SPECC1: variants seen among roughly 807,000 people sequenced by gnomAD.
The protein encoded by SPECC1 is cytospin-B.
A neutral mutation model predicts 104.1 loss-of-function variants in SPECC1; 62 were observed. That is an observed-to-expected ratio of 0.60 (90% CI 0.49 to 0.74). The LOEUF is 0.74. SPECC1 is among the 30% of genes least tolerant of loss of function. SPECC1 has a pLI of 0.00. For synonymous variants in SPECC1, 513 were observed against 501.6 expected, an observed-to-expected ratio of 1.02 and a Z score of -0.30; for missense variants, 1,306 against 1,310.5, an observed-to-expected ratio of 1.00 and a Z score of 0.05.
At chr17:20,188,556 C>T (rs112618523) in intron 3 of SPECC1, among the ~76,000 whole-genome samples, 3 of 152,224 alleles carry the variant, frequency 2.0e-5, no homozygotes, top group Non-Finnish European at 2.9e-5. Flanking sequence ...AGATTACAGG[C>T]GTGAGCCACC....
intron 7 of SPECC1, among the ~76,000 whole-genome samples, chr17:20,236,026 G>A (rs888731778): frequency 2.0e-5 from 3 of 152,180 alleles, no homozygotes; most frequent in East Asian, 1.9e-4. Flanking sequence ...GGTCACAGCC[G>A]CTCAGCATGT....
At chr17:20,303,163 CT>C (rs148276092) in intron 13 of SPECC1, among the ~76,000 whole-genome samples, 6,285 of 152,230 alleles carry the variant, frequency 0.041, 156 homozygotes, top group Middle Eastern at 0.065. Flanking sequence ...AAATATTTGA[CT>C]TCTGGAATAA....
intron 3 of SPECC1, among the ~76,000 whole-genome samples, chr17:20,172,248 G>T (rs1230241276): frequency 6.6e-6 from 1 of 152,176 alleles, no homozygotes; most frequent in Non-Finnish European, 1.5e-5. Flanking sequence ...CTCTGTGCCT[G>T]GATGCTCCTC....
intron 3 of SPECC1, among the ~76,000 whole-genome samples, chr17:20,132,592 T>C (rs2049705106): frequency 6.6e-6 from 1 of 151,424 alleles, no homozygotes; most frequent in South Asian, 2.1e-4. Context: ...TTTAAAAAAA[T>C]TTCAAATTCA....
At chr17:20,108,363 C>T (rs1209218556) in intron 2 of SPECC1, among the ~76,000 whole-genome samples, 1 of 152,042 alleles carries the variant, frequency 6.6e-6, no homozygotes, top group Admixed American at 6.5e-5. Context: ...CAATAAAATC[C>T]ATAAAGTACA....
At chr17:20,019,215 T>C (rs1000348704) in intron 1 of SPECC1, among the ~76,000 whole-genome samples, 17 of 18,554 alleles carry the variant, frequency 9.2e-4, no homozygotes, top group Admixed American at 6.0e-3. Context: ...ATCATTCATT[T>C]ATTTATTTAT....
At chr17:20,209,269 A>G (rs1655566859) in intron 4 of SPECC1, among the ~76,000 whole-genome samples, 1 of 152,190 alleles carries the variant, frequency 6.6e-6, no homozygotes, top group South Asian at 2.1e-4. Context: ...CCCCATGAGC[A>G]GTGCATTCAT....
At chr17:20,121,256 T>TC (rs1191042807) in intron 3 of SPECC1, among the ~76,000 whole-genome samples, 1 of 152,206 alleles carries the variant, frequency 6.6e-6, no homozygotes, top group Admixed American at 6.5e-5. Context: ...ACTTTTTCTC[T>TC]CCCGTGCCCA....
At chr17:20,120,034 T>G (rs1481243660) in intron 3 of SPECC1, among the ~76,000 whole-genome samples, 1 of 152,144 alleles carries the variant, frequency 6.6e-6, no homozygotes, top group Non-Finnish European at 1.5e-5. Context: ...CCAGAACACT[T>G]ATGGTCCTGA....
intron 1 of SPECC1, among the ~76,000 whole-genome samples, chr17:20,077,843 A>C (rs182548092): frequency 3.2e-4 from 48 of 152,226 alleles, no homozygotes; most frequent in Non-Finnish European, 5.6e-4. Flanking sequence ...GGTTAAGCCC[A>C]TAGGCACTGG....
chr17:20,067,623 A>C (rs1013165792), intron 1 of SPECC1, among the ~76,000 whole-genome samples: 4 of 152,074 alleles, frequency 2.6e-5, no homozygotes, highest in Middle Eastern at 3.2e-3. Flanking sequence ...ATAAATTCAC[A>C]TATATTTACA....
chr17:20,186,842 T>C (rs1354999979), intron 3 of SPECC1, among the ~76,000 whole-genome samples: 1 of 152,148 alleles, frequency 6.6e-6, no homozygotes, highest in Non-Finnish European at 1.5e-5. Context: ...GCTGGGATTA[T>C]AGATCATAGG....
chr17:20,204,463 C>A lies in SPECC1; in HGVS notation c.414C>A (p.Ser138=). ...PRKSVSSPTS[S]NTPTPTKHLR... ...AATCAGTGTCCAGTCCAACTTCTTCCAACACTCCCACTCCTACGAAACACC... is the reference window on the plus strand; with the variant it reads ...AATCAGTGTCCAGTCCAACTTCTTCAAACACTCCCACTCCTACGAAACACC... The change falls in exon 4 of 15, where the codon TCC becomes TCA. Residue 138 remains serine (S), a synonymous_variant. Coordinates refer to ENST00000395527, the MANE Select transcript of SPECC1 (RefSeq NM_001243439.2). 6.2e-7 allele frequency: 1 copy of A among 1,614,094 alleles called. No homozygotes were observed. Among genetic ancestry groups the A allele is most frequent in the South Asian group, 1.1e-5 (1 of 91,078 alleles).
intron 3 of SPECC1, among the ~76,000 whole-genome samples, chr17:20,181,281 TAAAG>T (rs1597900676): frequency 6.6e-6 from 1 of 150,412 alleles, no homozygotes; most frequent in Non-Finnish European, 1.5e-5. Context: ...AAGTACAAAA[TAAAG>T]AGAAAGGTAA....
Position 20,302,314 on chromosome 17 carries a change from A to T in SPECC1, c.3058-3709A>T, listed in dbSNP as rs182877533. Among the ~76,000 whole-genome samples, 1,003 of 152,228 alleles carry T rather than the reference A, an allele frequency of 6.6e-3. 16 individuals are homozygous for T. The highest frequency in any genetic ancestry group is 4.0e-3 in the Non-Finnish European group (269 of 68,020). On this transcript the variant is annotated intron_variant, in intron 13 of 14. Coordinates refer to ENST00000395527, the MANE Select transcript of SPECC1 (RefSeq NM_001243439.2). ...CCCAGGCCTGCACCATCATCCCCCG[A>T]CCAGGGCAGACTGAAGCAGTGATGG... is the stretch of plus-strand genomic sequence containing the variant.
rs147531074 is a variant in SPECC1 at position 20,198,229 on chromosome 17, G to A, written c.284-6104G>A. 1.9e-3 allele frequency among the ~76,000 whole-genome samples: 292 copies of A among 152,326 alleles called. 2 individuals carry two copies. The highest frequency in any genetic ancestry group is 6.6e-3 in the African/African-American group (274 of 41,574). On this transcript the variant is annotated intron_variant, in intron 3 of 14. Coordinates refer to ENST00000395527, the MANE Select transcript of SPECC1 (RefSeq NM_001243439.2). ...TTAAATTTGCCCCCAAATGGGCCCC[G>A]TCATCTTTAATCCAGCCTCAGACTT...
At chr17:20,155,884 G>A in intron 3 of SPECC1, 2 of 1,124,728 alleles carry the variant, frequency 1.8e-6, no homozygotes, top group Non-Finnish European at 2.2e-6. Flanking sequence ...TGAGGTGGGC[G>A]GACAGTATGC....
chr17:20,135,919 T>A (rs561429916), intron 3 of SPECC1, among the ~76,000 whole-genome samples: 1 of 152,296 alleles, frequency 6.6e-6, no homozygotes, highest in Admixed American at 6.5e-5. Context: ...CTTGGCCACA[T>A]CCTGGCTGTG....
intron 12 of SPECC1, among the ~76,000 whole-genome samples, chr17:20,286,518 C>A (rs948779168): frequency 1.3e-5 from 2 of 152,184 alleles, no homozygotes; most frequent in African/African-American, 4.8e-5. Flanking sequence ...TACTTTAAGG[C>A]CTGTGCCAGC....
Sources: allele counts gnomAD v4.1 joint callset (sites outside exome capture counted in the v4.1 genomes callset), GRCh38; gene constraint gnomAD v4.1.1; transcripts MANE v1.5; gene names NCBI Gene and HGNC (gene_info 2026-07-23, HGNC 2026-07-21).